SV2C: variants seen among roughly 807,000 people sequenced by gnomAD.
SV2C encodes synaptic vesicle glycoprotein 2C, also known as solute carrier family 22 member B3.
A neutral mutation model predicts 79.7 loss-of-function variants in SV2C; 49 were observed. The ratio of observed to expected loss-of-function variants is 0.61; its 90% confidence interval spans 0.49 to 0.78. SV2C has a LOEUF of 0.78. Among genes scored for constraint, SV2C ranks in the 30% least tolerant of loss-of-function variants. The pLI is 0.00. For synonymous variants in SV2C, 334 were observed against 333.2 expected (o/e 1.00, Z -0.03); for missense variants, 833 against 912.9 (o/e 0.91, Z 1.13).
the SV2C span, among the ~76,000 whole-genome samples, chr5:75,991,277 A>G: frequency 6.6e-6 from 1 of 151,920 alleles, no homozygotes; most frequent in African/African-American, 2.4e-5. Context: ...TATTATCATC[A>G]TGTTTTTGCC....
At chr5:75,917,009 C>G in the SV2C span, among the ~76,000 whole-genome samples, 1 of 152,182 alleles carries the variant, frequency 6.6e-6, no homozygotes, top group Non-Finnish European at 1.5e-5. Context: ...CAAATGCTCC[C>G]CAGAGAACTG....
intron 9 of SV2C, among the ~76,000 whole-genome samples, chr5:76,297,547 G>GA (rs1747817051): frequency 6.6e-6 from 1 of 152,098 alleles, no homozygotes; most frequent in African/African-American, 2.4e-5. Context: ...TTCCATGACA[G>GA]AAAAAATTGA....
chr5:76,086,471 G>A (rs1005604143), intron 1 of SV2C, among the ~76,000 whole-genome samples: 3 of 152,136 alleles, frequency 2.0e-5, no homozygotes, highest in Admixed American at 6.5e-5. Flanking sequence ...CTTTTTCTGT[G>A]CAGCTATATC....
the SV2C span, among the ~76,000 whole-genome samples, chr5:75,905,842 C>T: frequency 1.3e-5 from 2 of 151,190 alleles, no homozygotes; most frequent in Non-Finnish European, 2.9e-5. Flanking sequence ...TAATAGCATC[C>T]TCCCAAACTC....
chr5:75,948,057 A>G, the SV2C span, among the ~76,000 whole-genome samples: 1 of 152,140 alleles, frequency 6.6e-6, no homozygotes, highest in East Asian at 1.9e-4. Context: ...GCCTTCCCAG[A>G]GGCCCCTGTT....
chr5:76,103,949 T>TAG (rs1747822205), intron 1 of SV2C, among the ~76,000 whole-genome samples: 1 of 152,220 alleles, frequency 6.6e-6, no homozygotes. Context: ...CTCATGAACA[T>TAG]AGACACAAAT....
chr5:75,902,217 A>C, the SV2C span, among the ~76,000 whole-genome samples: 6 of 152,256 alleles, frequency 3.9e-5, no homozygotes, highest in Middle Eastern at 3.4e-3. Context: ...AGCTGTTCCT[A>C]TTCGGCCATC....
intron 4 of SV2C, among the ~76,000 whole-genome samples, chr5:76,251,443 T>C (rs961759601): frequency 1.3e-5 from 2 of 152,128 alleles, no homozygotes; most frequent in Non-Finnish European, 2.9e-5. Context: ...TCCTAGCTAC[T>C]CAGGAGGCTG....
chr5:75,928,368 T>C, the SV2C span, among the ~76,000 whole-genome samples: 5 of 152,212 alleles, frequency 3.3e-5, no homozygotes, highest in Non-Finnish European at 4.4e-5. Flanking sequence ...GTTGGGAGTT[T>C]GGGCCCTGAA....
intron 4 of SV2C, among the ~76,000 whole-genome samples, chr5:76,236,401 A>G (rs1451834850): frequency 1.3e-5 from 2 of 152,056 alleles, no homozygotes; most frequent in Admixed American, 1.3e-4. Flanking sequence ...CGTCTCTACT[A>G]AAAATACAGA....
chr5:75,964,658 T>A, the SV2C span, among the ~76,000 whole-genome samples: 1 of 152,170 alleles, frequency 6.6e-6, no homozygotes, highest in African/African-American at 2.4e-5. Flanking sequence ...GGGCTAAGGG[T>A]TTCTTTACCA....
At chr5:76,029,802 G>A in the SV2C span, among the ~76,000 whole-genome samples, 5 of 152,080 alleles carry the variant, frequency 3.3e-5, no homozygotes, top group African/African-American at 4.8e-5. Context: ...ACCATTTACC[G>A]TGGCGATGTT....
intron 2 of SV2C, among the ~76,000 whole-genome samples, chr5:76,168,766 A>T (rs1229863736): frequency 2.0e-5 from 3 of 152,146 alleles, no homozygotes; most frequent in Non-Finnish European, 4.4e-5. Context: ...GAATATGTAG[A>T]CTGTGGGGGT....
the SV2C span, among the ~76,000 whole-genome samples, chr5:75,858,130 C>G: frequency 6.6e-6 from 1 of 152,158 alleles, no homozygotes; most frequent in African/African-American, 2.4e-5. Flanking sequence ...AGCTGGGATT[C>G]CCAGTCGTAC....
chr5:75,955,397 A>C, the SV2C span, among the ~76,000 whole-genome samples: 1 of 151,770 alleles, frequency 6.6e-6, no homozygotes, highest in African/African-American at 2.4e-5. Context: ...AATCAATTCA[A>C]GATGGATTAA....
At chr5:75,972,098 G>A in the SV2C span, among the ~76,000 whole-genome samples, 1 of 152,084 alleles carries the variant, frequency 6.6e-6, no homozygotes. Flanking sequence ...TTTAATAAAT[G>A]GTGCTGGGAA....
intron 4 of SV2C, among the ~76,000 whole-genome samples, chr5:76,283,394 A>G (rs753583746): frequency 6.6e-6 from 1 of 152,148 alleles, no homozygotes; most frequent in Non-Finnish European, 1.5e-5. Flanking sequence ...GTTTCCCCCT[A>G]TACTTTATGA....
rs1580271886 is a variant in SV2C at position 76,108,635 on chromosome 5, A to AT, written c.-101-23007dup. 2.6e-5 allele frequency among the ~76,000 whole-genome samples: 4 copies of AT among 152,208 alleles called. No individual in the cohort carries two copies. In the South Asian group the frequency reaches 8.3e-4, roughly 32 times the overall value. ...TACCCGTATTCCATCGAGGCCAAAA[A>AT]TTTTTTTTCATTGGATAACCTTAAC... is the stretch of plus-strand genomic sequence containing the variant. On this transcript the variant is annotated intron_variant, in intron 1 of 12. Transcript: ENST00000502798.
chr5:76,024,910 CT>C, the SV2C span, among the ~76,000 whole-genome samples: 1 of 152,138 alleles, frequency 6.6e-6, no homozygotes. Flanking sequence ...CAAGGGTCAA[CT>C]GTATGGAATC....
Sources: gnomAD v4.1 joint callset for allele counts (sites outside exome capture counted in the v4.1 genomes callset) on GRCh38, gnomAD v4.1.1 for gene constraint, MANE v1.5 for transcripts, NCBI Gene and HGNC (gene_info 2026-07-23, HGNC 2026-07-21) for gene names.